CLPB: variants seen among roughly 807,000 people sequenced by gnomAD.
CLPB encodes the protein mitochondrial disaggregase.
CLPB carries 40 observed loss-of-function variants against 78.4 expected under a neutral mutation model. The ratio of observed to expected loss-of-function variants is 0.51; its 90% confidence interval spans 0.40 to 0.66. The LOEUF (loss-of-function observed/expected upper bound fraction) is 0.66. Among genes scored for constraint, CLPB ranks in the 30% least tolerant of loss-of-function variants. The probability of loss-of-function intolerance (pLI) is 0.00; values close to 1 mark genes in which losing one functional copy is unlikely to be tolerated. For synonymous variants in CLPB, 333 were observed against 348.0 expected, an observed-to-expected ratio of 0.96 and a Z score of 0.48; for missense variants, 780 against 886.9, an observed-to-expected ratio of 0.88 and a Z score of 1.53.
chr11:72,336,194 T>C (rs1395833155), intron 5 of CLPB, among the ~76,000 whole-genome samples: 2 of 152,100 alleles, frequency 1.3e-5, no homozygotes, highest in African/African-American at 4.8e-5. Flanking sequence ...TCCTGGCCCT[T>C]GCCTACCTCA....
chr11:72,296,907 A>G (rs1168387167), intron 11 of CLPB, among the ~76,000 whole-genome samples: 1 of 152,208 alleles, frequency 6.6e-6, no homozygotes, highest in Non-Finnish European at 1.5e-5. Context: ...TCGAGGTTTC[A>G]CAGCTAGGAT....
In CLPB at chr11:72,286,890, T is replaced by TAG. The variant is rs1417261983; in HGVS notation, c.*6476_*6477insCT. The TAG allele has an allele frequency of 6.6e-6, 1 of 152,062 alleles. No homozygotes were observed. The highest frequency in any genetic ancestry group is 1.5e-5 in the Non-Finnish European group (1 of 68,012). 9.4% of individuals were successfully genotyped at this position (152,062 alleles called of 1,614,324 possible). A position where few individuals can be genotyped will look rare whatever the true frequency, so the allele number is the denominator to read the frequency against. On this transcript the variant is annotated 3_prime_UTR_variant, in exon 16 of 16. Transcript: ENST00000538039. Reference sequence around the variant, plus strand: ...GGTTTACCTTTAACCTCTAAATACTTACATTTTCTGAAAACAAGGACGTTC... The same window carrying TAG: ...GGTTTACCTTTAACCTCTAAATACTTAGACATTTTCTGAAAACAAGGACGTTC...
intron 3 of CLPB, among the ~76,000 whole-genome samples, chr11:72,387,196 G>A (rs961070640): frequency 2.6e-5 from 4 of 152,162 alleles, no homozygotes; most frequent in African/African-American, 9.7e-5. Context: ...TAAATGGAGA[G>A]AAGGGAAAGT....
At chr11:72,322,110 G>T (rs1003843986) in intron 6 of CLPB, among the ~76,000 whole-genome samples, 1 of 152,116 alleles carries the variant, frequency 6.6e-6, no homozygotes, top group Non-Finnish European at 1.5e-5. Context: ...CAAGGAATTT[G>T]AAAGTCTCTT....
chr11:72,316,974 G>T, intron 7 of CLPB, 132 bp downstream of exon 7: 1 of 557,776 alleles, frequency 1.8e-6, no homozygotes, highest in Non-Finnish European at 3.1e-6. Flanking sequence ...TTATAACAAT[G>T]TCTGGCATGT....
intron 2 of CLPB, among the ~76,000 whole-genome samples, chr11:72,421,508 A>C (rs1223591538): frequency 6.6e-6 from 1 of 152,172 alleles, no homozygotes; most frequent in East Asian, 1.9e-4. Flanking sequence ...ACCTGCCTGG[A>C]ATGCTCACAA....
At chr11:72,387,647 T>C (rs1019941173) in intron 3 of CLPB, among the ~76,000 whole-genome samples, 3 of 151,590 alleles carry the variant, frequency 2.0e-5, no homozygotes, top group African/African-American at 7.3e-5. Context: ...AACTCCATAG[T>C]GCCTGACACA....
intron 3 of CLPB, among the ~76,000 whole-genome samples, chr11:72,395,294 A>G (rs1012586953): frequency 1.3e-5 from 2 of 152,032 alleles, no homozygotes; most frequent in African/African-American, 4.8e-5. Flanking sequence ...TCATCAAGAA[A>G]CCCTGATAGA....
intron 2 of CLPB, among the ~76,000 whole-genome samples, chr11:72,413,724 T>G (rs1855943622): frequency 1.3e-5 from 2 of 152,188 alleles, no homozygotes; most frequent in South Asian, 4.1e-4. Context: ...TCTTCAACCT[T>G]TCTTTGATTT....
chr11:72,304,262 G>A (rs985604612), intron 9 of CLPB: 5 of 152,140 alleles, frequency 3.3e-5, no homozygotes, highest in South Asian at 4.1e-4. Flanking sequence ...TGCCAAGAAC[G>A]GCGTTTAACA....
At chr11:72,426,120 C>T (rs541099416) in intron 2 of CLPB, among the ~76,000 whole-genome samples, 16 of 152,350 alleles carry the variant, frequency 1.1e-4, no homozygotes, top group African/African-American at 3.8e-4. Flanking sequence ...CAAGACTGAT[C>T]TTGCCAGGCT....
intron 5 of CLPB, 107 bp downstream of exon 5, chr11:72,358,773 A>C: frequency 6.9e-6 from 6 of 865,880 alleles, no homozygotes; most frequent in Non-Finnish European, 1.0e-5. Flanking sequence ...TGAGGCTGCC[A>C]AGTACTCTCT....
chr11:72,337,482 T>G (rs12416804), intron 5 of CLPB, among the ~76,000 whole-genome samples: 28,880 of 152,104 alleles, frequency 0.19, 4,607 homozygotes, highest in African/African-American at 0.44. Context: ...GCTAACATTT[T>G]TTGGGTATAA....
intron 5 of CLPB, among the ~76,000 whole-genome samples, chr11:72,332,078 T>G (rs1454023908): frequency 6.6e-6 from 1 of 151,964 alleles, no homozygotes; most frequent in Non-Finnish European, 1.5e-5. Context: ...AAAAACTAAG[T>G]TTTTTTTACA....
intron 4 of CLPB, among the ~76,000 whole-genome samples, chr11:72,362,196 T>C (rs754899940): frequency 1.2e-4 from 18 of 152,244 alleles, no homozygotes; most frequent in Non-Finnish European, 2.5e-4. Context: ...AGGCCTCTGA[T>C]TAGAAGTCAC....
intron 3 of CLPB, among the ~76,000 whole-genome samples, chr11:72,381,164 C>T (rs1332912546): frequency 2.6e-5 from 4 of 152,198 alleles, no homozygotes; most frequent in Non-Finnish European, 4.4e-5. Flanking sequence ...GGAAGACAGT[C>T]TCCCCTTACC....
At chr11:72,360,597 C>T (rs78639187) in intron 4 of CLPB, among the ~76,000 whole-genome samples, 4,335 of 152,016 alleles carry the variant, frequency 0.029, 75 homozygotes, top group East Asian at 0.067. Context: ...CCACCACAGC[C>T]GGCTAATTTT....
chr11:72,383,697 A>G (rs1854989960), intron 3 of CLPB, among the ~76,000 whole-genome samples: 1 of 152,146 alleles, frequency 6.6e-6, no homozygotes, highest in Non-Finnish European at 1.5e-5. Flanking sequence ...GCTGAATGAA[A>G]AAAAAACCCT....
chr11:72,418,868 A>G (rs868005085), intron 2 of CLPB, among the ~76,000 whole-genome samples: 16 of 151,812 alleles, frequency 1.1e-4, no homozygotes, highest in East Asian at 1.9e-4. Context: ...AAAAAAAAAA[A>G]AAAAGAAAAG....
Sources: gnomAD v4.1 joint callset for allele counts (sites outside exome capture counted in the v4.1 genomes callset) on GRCh38, gnomAD v4.1.1 for gene constraint, MANE v1.5 for transcripts, NCBI Gene and HGNC (gene_info 2026-07-23, HGNC 2026-07-21) for gene names.